Variants in TCF7L2 observed in about 807,000 individuals in gnomAD.
The protein encoded by TCF7L2 is transcription factor 7 like 2.
TCF7L2 carries 23 observed loss-of-function variants against 77.9 expected under a neutral mutation model. The ratio of observed to expected loss-of-function variants is 0.30; its 90% confidence interval spans 0.21 to 0.42. The LOEUF (loss-of-function observed/expected upper bound fraction) is 0.42. Ranked by LOEUF, TCF7L2 falls within the 10% of genes least tolerant of loss-of-function variation. The pLI is 1.00. For missense variants in TCF7L2, 654 were observed against 793.1 expected, an observed-to-expected ratio of 0.82 and a Z score of 2.11; for synonymous variants, 413 against 340.2, an observed-to-expected ratio of 1.21 and a Z score of -2.36.
At chr10:113,112,574 A>G (rs1031784803) in intron 5 of TCF7L2, among the ~76,000 whole-genome samples, 2 of 152,198 alleles carry the variant, frequency 1.3e-5, no homozygotes, top group African/African-American at 4.8e-5. Context: ...GGGCACAGCA[A>G]TTTCCCGTGC....
intron 5 of TCF7L2, among the ~76,000 whole-genome samples, chr10:113,052,232 G>C (rs924542194): frequency 5.3e-5 from 8 of 152,186 alleles, no homozygotes; most frequent in African/African-American, 1.7e-4. Context: ...GGACCTGCAG[G>C]CTGGGTGGCG....
At chr10:113,150,833 A>G (rs2070603398) in intron 8 of TCF7L2, 165 bp from the exon 9 acceptor site, 4 of 805,400 alleles carry the variant, frequency 5.0e-6, no homozygotes, top group Non-Finnish European at 7.6e-6. Context: ...GAGAATCATT[A>G]TGTTTAATTT....
intron 5 of TCF7L2, among the ~76,000 whole-genome samples, chr10:113,111,141 G>A (rs1049901080): frequency 2.0e-5 from 3 of 151,746 alleles, no homozygotes; most frequent in African/African-American, 7.3e-5. Flanking sequence ...AATAATTGAA[G>A]TGAATTGAAC....
rs2070794564 is a variant in TCF7L2, at chr10:113,151,762, A to C, written c.1039A>C (p.Lys347Gln). ...CTCCAAAAAGGAAGAAGAAAAGAAG[A>C]AGCCCCACATAAAGAAACCTCTTAA... Residue 347 changes from lysine (K) to glutamine (Q), a missense_variant, in exon 10 of 14, where the codon AAG (lysine) becomes CAG (glutamine). Lys to Gln is a moderately conservative substitution (Grantham distance 53). This residue lies in a region of TCF7L2 where 179 missense variants were observed against 270.6 expected (regional missense o/e 0.66). Transcript: ENST00000627217. The surrounding 1 kb of genome is among the most constrained non-coding windows in gnomAD (Gnocchi z 5.2). 1 of 1,608,654 alleles carries C rather than the reference A, an allele frequency of 6.2e-7. No homozygotes were observed. Among genetic ancestry groups the C allele is most frequent in the Non-Finnish European group, 8.5e-7 (1 of 1,178,810 alleles).
intron 4 of TCF7L2, among the ~76,000 whole-genome samples, chr10:112,982,546 G>A (rs144712398): frequency 6.6e-6 from 1 of 152,056 alleles, no homozygotes; most frequent in African/African-American, 2.4e-5. Flanking sequence ...TTTTTTCCCC[G>A]CTTGCTTAGT....
intron 13 of TCF7L2, among the ~76,000 whole-genome samples, chr10:113,164,950 G>T (rs1317094328): frequency 6.6e-6 from 1 of 152,176 alleles, no homozygotes; most frequent in Non-Finnish European, 1.5e-5. Context: ...CCTCTTGCTA[G>T]CGCTGCCTTC....
At chr10:113,102,111 CAAAAAAAAAAAAAAAAA>C (rs139047649) in intron 5 of TCF7L2, among the ~76,000 whole-genome samples, 7 of 71,736 alleles carry the variant, frequency 9.8e-5, no homozygotes, top group Admixed American at 1.7e-4. Context: ...GTGACTCCAT[CAAAAAAAAAAAAAAAAA>C]AAAAAAAAAA....
At chr10:112,957,627 G>T (rs886517219) in intron 3 of TCF7L2, among the ~76,000 whole-genome samples, 2 of 152,122 alleles carry the variant, frequency 1.3e-5, no homozygotes, top group Admixed American at 1.3e-4. Context: ...GTTTCCTTAT[G>T]GAGGGGCGTG....
intron 4 of TCF7L2, among the ~76,000 whole-genome samples, chr10:112,982,800 T>C (rs988739059): frequency 7.2e-5 from 11 of 152,100 alleles, no homozygotes; most frequent in Non-Finnish European, 1.0e-4. Flanking sequence ...AATTTTTGTA[T>C]TTTTAGTAGA....
Position 113,158,655 on chromosome 10 carries a change from C to T in TCF7L2, c.1318+586C>T. On this transcript the variant is annotated intron_variant, in intron 12 of 13. Transcript: ENST00000627217. ...TTTTGAAGGCTTTGTATAATTTGTTCTTTTTTTTCAGAACACAGCGAATGT... is the reference window on the plus strand; with the variant it reads ...TTTTGAAGGCTTTGTATAATTTGTTTTTTTTTTTCAGAACACAGCGAATGT... The T allele has an allele frequency of 6.2e-7, 1 of 1,612,644 alleles. No homozygotes were observed. Among genetic ancestry groups the T allele is most frequent in the Non-Finnish European group, 8.5e-7 (1 of 1,179,544 alleles).
At chr10:112,952,624 A>G (rs2032121040) in intron 3 of TCF7L2, among the ~76,000 whole-genome samples, 1 of 152,012 alleles carries the variant, frequency 6.6e-6, no homozygotes, top group African/African-American at 2.4e-5. Context: ...GGGGCCAGAG[A>G]CCAGGGTGTG....
Position 113,125,614 on chromosome 10 carries a change from A to G in TCF7L2, c.553-15570A>G, listed in dbSNP as rs1446324988. ...AGCAACGGGCCGGCTCCAATGACAA[A>G]TACAATATTAATATTCATTAACTGC... On this transcript the variant is annotated intron_variant, in intron 5 of 13. Coordinates refer to ENST00000627217, the MANE Select transcript of TCF7L2 (RefSeq NM_001146274.2). The G allele has an allele frequency of 5.9e-5, 9 of 152,302 alleles. No individual in the cohort carries two copies. The East Asian group carries it at 1.7e-3, about 29-fold the overall frequency. 9.4% of individuals were successfully genotyped at this position (152,302 alleles called of 1,614,324 possible).
At chr10:113,119,510 G>A (rs1004041574) in intron 5 of TCF7L2, among the ~76,000 whole-genome samples, 10 of 152,040 alleles carry the variant, frequency 6.6e-5, no homozygotes, top group African/African-American at 2.4e-5. Context: ...CAATAAAGCC[G>A]AAACACAAAT....
At chr10:113,003,110 G>A (rs539889586) in intron 4 of TCF7L2, among the ~76,000 whole-genome samples, 1 of 152,338 alleles carries the variant, frequency 6.6e-6, no homozygotes, top group Admixed American at 6.5e-5. Flanking sequence ...CAAAGCATTT[G>A]TGAACAATGT....
At chr10:113,065,204 A>T (rs556463594) in intron 5 of TCF7L2, among the ~76,000 whole-genome samples, 3 of 152,324 alleles carry the variant, frequency 2.0e-5, no homozygotes, top group African/African-American at 7.2e-5. Flanking sequence ...GTGGCCTATG[A>T]GGATGTTGTT....
At chr10:112,956,119 C>T (rs1419679778) in intron 3 of TCF7L2, among the ~76,000 whole-genome samples, 2 of 152,154 alleles carry the variant, frequency 1.3e-5, no homozygotes, top group Admixed American at 6.5e-5. Flanking sequence ...TAAAAATGCA[C>T]TGTAGAGAAA....
intron 4 of TCF7L2, among the ~76,000 whole-genome samples, chr10:113,004,245 CAA>C (rs1303201895): frequency 6.6e-6 from 1 of 152,052 alleles, no homozygotes; most frequent in Non-Finnish European, 1.5e-5. Flanking sequence ...AGAGAAAGCC[CAA>C]AGAGTCTTGG....
intron 5 of TCF7L2, among the ~76,000 whole-genome samples, chr10:113,113,472 T>C (rs367865742): frequency 6.6e-6 from 1 of 152,190 alleles, no homozygotes; most frequent in East Asian, 1.9e-4. Context: ...CTGCCTGGGC[T>C]GGACACACTG....
chr10:113,094,804 A>G lies in TCF7L2; in HGVS notation c.553-46380A>G, dbSNP rs575234004. On this transcript the variant is annotated intron_variant, in intron 5 of 13. Coordinates refer to ENST00000627217, the MANE Select transcript of TCF7L2 (RefSeq NM_001146274.2). ...CTTAATATGCTTAGCTATTGCCCCA[A>G]TGAACTCAGACTGTTTCCAAAGTTC... Among the ~76,000 whole-genome samples, 21 of 152,276 alleles carry G rather than the reference A, an allele frequency of 1.4e-4. No homozygotes were observed. The Middle Eastern group carries it at 0.017, about 123-fold the overall frequency.
Sources: allele counts gnomAD v4.1 joint callset (sites outside exome capture counted in the v4.1 genomes callset), GRCh38; gene constraint gnomAD v4.1.1; regional missense constraint gnomAD v4.1.1; non-coding constraint Gnocchi (gnomAD v3.1); transcripts MANE v1.5; gene names NCBI Gene and HGNC (gene_info 2026-07-23, HGNC 2026-07-21).